Variants in CLIP2 observed in about 807,000 individuals in gnomAD.
CLIP2 encodes CAP-Gly domain containing linker protein 2.
In CLIP2, 41 loss-of-function variants were observed where a neutral mutation model predicts 111.7. The observed-to-expected ratio is 0.37, with a 90% CI of 0.29 to 0.48. The LOEUF (loss-of-function observed/expected upper bound fraction) is 0.48, where lower values mean the gene tolerates loss of function less well. CLIP2 is among the 20% of genes least tolerant of loss of function. The pLI is 0.99. For synonymous variants in CLIP2, 660 were observed against 644.2 expected, an observed-to-expected ratio of 1.02 and a Z score of -0.37; for missense variants, 1,160 against 1,422.1, an observed-to-expected ratio of 0.82 and a Z score of 2.96.
chr7:74,364,908 A>T (rs937565611), intron 8 of CLIP2: 8 of 455,038 alleles, frequency 1.8e-5, no homozygotes, highest in African/African-American at 1.6e-4. Context: ...CTGTGGTCCC[A>T]GCTACTCAGG....
chr7:74,307,240 G>A (rs1314339332), intron 1 of CLIP2, among the ~76,000 whole-genome samples: 2 of 152,188 alleles, frequency 1.3e-5, no homozygotes, highest in East Asian at 1.9e-4. Flanking sequence ...CGTGGCAGGC[G>A]GACGCTGTCC....
At chr7:74,394,894 C>T (rs1252463880) in intron 13 of CLIP2, among the ~76,000 whole-genome samples, 1 of 152,204 alleles carries the variant, frequency 6.6e-6, no homozygotes, top group Non-Finnish European at 1.5e-5. Context: ...GGTGCCCTGC[C>T]TGGTCTCACC....
chr7:74,338,620 G>A lies in CLIP2; in HGVS notation c.294G>A (p.Leu98=), dbSNP rs1554732628. 6.4e-7 allele frequency: 1 copy of A among 1,564,676 alleles called. No individual in the cohort carries two copies. The highest frequency in any genetic ancestry group is 1.2e-5 in the South Asian group (1 of 85,936). Residue 98 remains leucine, a synonymous_variant, in exon 3 of 17, where the codon CTG becomes CTA. Coordinates refer to ENST00000223398, the MANE Select transcript of CLIP2 (RefSeq NM_003388.5). This position sits in a 1 kb window ranked among gnomAD's most constrained non-coding sequence, Gnocchi z 4.3. ...NGVKPGVVQY[L]GETQFAPGQW... ...TGAAGCCAGGCGTGGTGCAGTATCT[G>A]GGAGAGACGCAGTTCGCACCGGGCC... is the stretch of plus-strand genomic sequence containing the variant.
chr7:74,361,243 G>A (rs1337455959), intron 7 of CLIP2, among the ~76,000 whole-genome samples: 2 of 84,870 alleles, frequency 2.4e-5, no homozygotes, highest in Admixed American at 1.6e-4. Context: ...TTTTTTCAGA[G>A]TCTTGCTCTT....
Position 74,376,591 on chromosome 7 carries a change from G to A in CLIP2, c.2190G>A (p.Leu730=), listed in dbSNP as rs1554312940. Residue 730 remains leucine, a synonymous_variant, in exon 10 of 17, where the codon CTG becomes CTA. Transcript: ENST00000223398. This position sits in a 1 kb window ranked among gnomAD's most constrained non-coding sequence, Gnocchi z 7.1. ...AGGACCAGCGCCGGGATGCCGAGCT[G>A]CGTGTGCACGAGCTGGAAAAACTGG... ...EAQDQRRDAE[L]RVHELEKLDV... 8 of 1,612,326 alleles carry A rather than the reference G, an allele frequency of 5.0e-6. No individual in the cohort carries two copies. Among genetic ancestry groups the A allele is most frequent in the Non-Finnish European group, 4.2e-6 (5 of 1,179,476 alleles).
rs186466258 is a variant in CLIP2 at position 74,338,011 on chromosome 7, G to A, written c.122-437G>A. ...CCACACAGCCAACCATTCCTGCCTC[G>A]GTTTCCATGGCAAGACCATGTCTCT... is the stretch of plus-strand genomic sequence containing the variant. On this transcript the variant is annotated intron_variant, in intron 2 of 16. Transcript: ENST00000223398. The surrounding 1 kb of genome is among the most constrained non-coding windows in gnomAD (Gnocchi z 4.3). Among the ~76,000 whole-genome samples, 7 of 152,172 alleles carry A rather than the reference G, an allele frequency of 4.6e-5. No individual in the cohort carries two copies. The highest frequency in any genetic ancestry group is 7.2e-5 in the African/African-American group (3 of 41,514).
chr7:74,381,003 T>C lies in CLIP2; in HGVS notation c.2479+140T>C, dbSNP rs537729578. Reference sequence around the variant, plus strand: ...CTCCTGTGTGCTGTGAGCTATGTACTCCTGCAAGGGAGGAGGCCAGTTTAC... The same window carrying C: ...CTCCTGTGTGCTGTGAGCTATGTACCCCTGCAAGGGAGGAGGCCAGTTTAC... On this transcript the variant is annotated intron_variant, in intron 11 of 16. Transcript: ENST00000223398. 2.3e-5 allele frequency: 18 copies of C among 781,862 alleles called. No homozygotes were observed. In the South Asian group the frequency reaches 2.8e-4, roughly 12 times the overall value. 48.4% of individuals were successfully genotyped at this position (781,862 alleles called of 1,614,324 possible).
intron 1 of CLIP2, among the ~76,000 whole-genome samples, chr7:74,295,942 T>C (rs1788154278): frequency 6.9e-6 from 1 of 144,586 alleles, no homozygotes; most frequent in Non-Finnish European, 1.5e-5. Flanking sequence ...TGAGCTATGA[T>C]CGTGCCACTG....
At chr7:74,301,475 A>G (rs1554726808) in intron 1 of CLIP2, among the ~76,000 whole-genome samples, 1 of 148,784 alleles carries the variant, frequency 6.7e-6, no homozygotes, top group African/African-American at 2.5e-5. Flanking sequence ...CTCCACCTCC[A>G]GGGTTCAAGT....
At chr7:74,393,034 C>CTTTTTT (rs532112634) in intron 13 of CLIP2, among the ~76,000 whole-genome samples, 2 of 121,000 alleles carry the variant, frequency 1.7e-5, no homozygotes, top group African/African-American at 5.8e-5. Context: ...TAAGCATTTG[C>CTTTTTT]TTTTTTTTTT....
chr7:74,371,855 T>A (rs1554311934), intron 8 of CLIP2, among the ~76,000 whole-genome samples: 1 of 152,152 alleles, frequency 6.6e-6, no homozygotes, highest in African/African-American at 2.4e-5. Flanking sequence ...ATCATCTCAA[T>A]GTCTCTTAAT....
chr7:74,388,952 T>G, intron 12 of CLIP2, 151 bp from the exon 13 acceptor site: 1 of 877,344 alleles, frequency 1.1e-6, no homozygotes, highest in Non-Finnish European at 1.7e-6. Flanking sequence ...CCAGACCCAA[T>G]CTCTAAAAAA....
At position 74,375,863 on chromosome 7, in the gene CLIP2, C is replaced by A. The variant is rs782095172; in HGVS notation, c.1486-24C>A. On this transcript the variant is annotated intron_variant, in intron 9 of 16. Transcript: ENST00000223398. ...CCAGCCAGCCAGCCAGCCCGCTGATCCCTGTCTCCCTCTCTCCCCACAGCT... is the reference window on the plus strand; with the variant it reads ...CCAGCCAGCCAGCCAGCCCGCTGATACCTGTCTCCCTCTCTCCCCACAGCT... 179 of 1,481,796 alleles carry A rather than the reference C, an allele frequency of 1.2e-4. 1 individual carries two copies. The highest frequency in any genetic ancestry group is 1.5e-4 in the Non-Finnish European group (168 of 1,114,214). 91.8% of individuals were successfully genotyped at this position (1,481,796 alleles called of 1,614,324 possible).
rs1437604708 is a variant in CLIP2, at chr7:74,289,454, T to C, written c.-348T>C. ...GGGCCGCTGGCTCCGCTGGCTCCGC[T>C]GGCTCCGCGGGCGCTCAGCTCGGCT... is the stretch of plus-strand genomic sequence containing the variant. On this transcript the variant is annotated 5_prime_UTR_variant, in exon 1 of 17. Transcript: ENST00000223398. 2 of 150,030 alleles carry C rather than the reference T, an allele frequency of 1.3e-5. No individual in the cohort carries two copies. The highest frequency in any genetic ancestry group is 4.9e-5 in the African/African-American group (2 of 41,062). 9.3% of individuals were successfully genotyped at this position (150,030 alleles called of 1,614,324 possible).
intron 2 of CLIP2, among the ~76,000 whole-genome samples, chr7:74,332,052 GAGA>G (rs1789301302): frequency 6.6e-6 from 1 of 152,092 alleles, no homozygotes; most frequent in Non-Finnish European, 1.5e-5. Flanking sequence ...CTACTGATCA[GAGA>G]AGAAGGTTTG....
rs925703428 is a variant in CLIP2 at position 74,353,900 on chromosome 7, C to A, written c.699C>A (p.Gly233=). The A allele has an allele frequency of 6.2e-7, 1 of 1,614,148 alleles. No homozygotes were observed. Reference sequence around the variant, plus strand: ...GACAGGTTGGCGGGACGAAGACTGGCGTGGTGCGGTACGTGGGGGAGACAG... The same window carrying A: ...GACAGGTTGGCGGGACGAAGACTGGAGTGGTGCGGTACGTGGGGGAGACAG... ...DRVLVGGTKT[G]VVRYVGETDF... is the part of the protein sequence containing the mutation. The change falls in exon 4 of 17, where the codon GGC becomes GGA. Residue 233 remains glycine, a synonymous_variant. Transcript: ENST00000223398.
intron 2 of CLIP2, among the ~76,000 whole-genome samples, chr7:74,336,321 G>GC (rs1262596296): frequency 2.6e-5 from 4 of 152,186 alleles, no homozygotes; most frequent in African/African-American, 9.6e-5. Flanking sequence ...GCCCACCTTG[G>GC]CCCCGCAAAG....
chr7:74,294,789 A>G lies in CLIP2; in HGVS notation c.-68+5055A>G, dbSNP rs970744957. Among the ~76,000 whole-genome samples the G allele has an allele frequency of 6.6e-5, 10 of 152,196 alleles. No homozygotes were observed. In the East Asian group the frequency reaches 9.6e-4, roughly 15 times the overall value. On this transcript the variant is annotated intron_variant, in intron 1 of 16. Transcript: ENST00000223398. ...GCCCTGCTTCCTGACAATGTAAACA[A>G]TATCAGCCCTTTCCAGAAACATTTC...
At chr7:74,381,285 T>C (rs1264184936) in intron 11 of CLIP2, among the ~76,000 whole-genome samples, 3 of 152,146 alleles carry the variant, frequency 2.0e-5, no homozygotes, top group South Asian at 4.2e-4. Context: ...AACTCCCTGG[T>C]TCAAGCGATT....
Sources: gnomAD v4.1 joint callset for allele counts (sites outside exome capture counted in the v4.1 genomes callset) on GRCh38, gnomAD v4.1.1 for gene constraint, Gnocchi (gnomAD v3.1) non-coding constraint, MANE v1.5 for transcripts, NCBI Gene and HGNC (gene_info 2026-07-23, HGNC 2026-07-21) for gene names.